The following APLF variants were observed in gnomAD, a reference collection of about 807,000 sequenced individuals.
APLF encodes the protein aprataxin and PNKP like factor, also known as aprataxin and PNK-like factor.
A neutral mutation model predicts 55.6 loss-of-function variants in APLF; 61 were observed. That is an observed-to-expected ratio of 1.10 (90% CI 0.89 to 1.36). The LOEUF is 1.36. APLF is among the 40% of genes most tolerant of loss of function. The probability of loss-of-function intolerance (pLI) is 0.00; values close to 1 mark genes in which losing one functional copy is unlikely to be tolerated. For synonymous variants in APLF, 207 were observed against 214.8 expected, an observed-to-expected ratio of 0.96 and a Z score of 0.32; for missense variants, 611 against 602.5, an observed-to-expected ratio of 1.01 and a Z score of -0.15.
chr2:68,537,368 CT>C lies in APLF; in HGVS notation c.805-492del, dbSNP rs1262044779. The stretch of plus-strand genomic sequence containing the variant: ...TACAACTGTAAATTTCTTTTCTTTC[CT>C]TTTTTTTTTTTCTTTGAGATGGAGT... On this transcript the variant is annotated intron_variant, in intron 6 of 9. Coordinates refer to ENST00000303795, the MANE Select transcript of APLF (RefSeq NM_173545.3). Among the ~76,000 whole-genome samples the C allele has an allele frequency of 8.6e-4, 124 of 144,108 alleles. No individual in the cohort carries two copies. The Middle Eastern group carries it at 0.011, about 13-fold the overall frequency. 94.5% of individuals were successfully genotyped at this position (144,108 alleles called of 152,430 possible). A position where few individuals can be genotyped will look rare whatever the true frequency, so the allele number is the denominator to read the frequency against.
intron 7 of APLF, among the ~76,000 whole-genome samples, chr2:68,539,584 G>T (rs577821794): frequency 1.3e-5 from 2 of 152,224 alleles, no homozygotes; most frequent in East Asian, 1.9e-4. Context: ...GGAAATTAGG[G>T]CTTCAACATA....
At chr2:68,569,965 C>T (rs1007852576) in intron 9 of APLF, among the ~76,000 whole-genome samples, 1 of 152,068 alleles carries the variant, frequency 6.6e-6, no homozygotes, top group African/African-American at 2.4e-5. Flanking sequence ...ATCATAAGAA[C>T]ATATATAACA....
intron 8 of APLF, among the ~76,000 whole-genome samples, chr2:68,564,316 G>A (rs935430401): frequency 3.9e-5 from 6 of 152,022 alleles, no homozygotes; most frequent in African/African-American, 1.2e-4. Context: ...GGTTAGTTAT[G>A]CTAAACACAC....
chr2:68,572,261 T>A (rs1051088499), intron 9 of APLF, among the ~76,000 whole-genome samples: 8 of 152,222 alleles, frequency 5.3e-5, no homozygotes, highest in Admixed American at 1.3e-4. Context: ...AAATAAAATA[T>A]GAATACCAAC....
intron 7 of APLF, among the ~76,000 whole-genome samples, chr2:68,543,636 G>A (rs113527596): frequency 0.014 from 2,099 of 152,208 alleles, 41 homozygotes; most frequent in African/African-American, 0.046. Context: ...AGGCTTATAC[G>A]AGAATGCTCA....
At chr2:68,500,376 C>G (rs1337042106) in intron 2 of APLF, among the ~76,000 whole-genome samples, 1 of 151,894 alleles carries the variant, frequency 6.6e-6, no homozygotes, top group Admixed American at 6.6e-5. Flanking sequence ...AATATTTAAC[C>G]AAGTATAATT....
intron 5 of APLF, among the ~76,000 whole-genome samples, chr2:68,522,441 T>G (rs1454257416): frequency 1.3e-5 from 2 of 151,946 alleles, no homozygotes; most frequent in Admixed American, 6.6e-5. Context: ...TTGCTAATAT[T>G]TGGTTTAGGA....
chr2:68,561,798 T>C (rs1342911684), intron 8 of APLF, among the ~76,000 whole-genome samples: 1 of 152,074 alleles, frequency 6.6e-6, no homozygotes, highest in African/African-American at 2.4e-5. Context: ...ACAGAAAAAC[T>C]GTTTTTCAAA....
At chr2:68,564,412 T>A (rs79700401) in intron 8 of APLF, among the ~76,000 whole-genome samples, 2,770 of 152,220 alleles carry the variant, frequency 0.018, 36 homozygotes, top group Non-Finnish European at 0.03. Flanking sequence ...TTGCACTGTG[T>A]TTAATACTTG....
intron 2 of APLF, among the ~76,000 whole-genome samples, chr2:68,493,971 G>A (rs1027927098): frequency 1.3e-5 from 2 of 152,246 alleles, no homozygotes; most frequent in African/African-American, 2.4e-5. Flanking sequence ...ATCCAGGCGT[G>A]GTGGCGGGTG....
At chr2:68,573,045 C>T (rs1447797985) in intron 9 of APLF, among the ~76,000 whole-genome samples, 1 of 151,974 alleles carries the variant, frequency 6.6e-6, no homozygotes, top group East Asian at 1.9e-4. Flanking sequence ...ATTACAAATT[C>T]CTCTGCATAT....
At chr2:68,515,742 CTT>C in intron 5 of APLF, 1 of 982,588 alleles carries the variant, frequency 1.0e-6, no homozygotes, top group Non-Finnish European at 1.2e-6. Context: ...TTCAGGTAAT[CTT>C]TTTATAAACT....
chr2:68,547,200 A>G (rs150672049), intron 8 of APLF, among the ~76,000 whole-genome samples: 122 of 151,960 alleles, frequency 8.0e-4, no homozygotes, highest in African/African-American at 2.9e-3. Context: ...GAAGAAAACT[A>G]TAAAACTTTA....
intron 5 of APLF, among the ~76,000 whole-genome samples, chr2:68,518,074 A>G (rs986201646): frequency 1.1e-4 from 15 of 134,614 alleles, no homozygotes; most frequent in Admixed American, 4.9e-4. Flanking sequence ...ATATATCATT[A>G]GTATATAATA....
intron 3 of APLF, among the ~76,000 whole-genome samples, chr2:68,509,410 T>C (rs1223141040): frequency 6.6e-6 from 1 of 152,092 alleles, no homozygotes; most frequent in Non-Finnish European, 1.5e-5. Context: ...GGGTGAAAGA[T>C]ATGAACAGAC....
chr2:68,544,819 A>G (rs1340442796), intron 7 of APLF, among the ~76,000 whole-genome samples: 1 of 152,188 alleles, frequency 6.6e-6, no homozygotes, highest in Non-Finnish European at 1.5e-5. Flanking sequence ...CAGAGGGTAC[A>G]ATATATGTGC....
At chr2:68,564,955 C>T (rs1164620369) in intron 8 of APLF, among the ~76,000 whole-genome samples, 2 of 152,080 alleles carry the variant, frequency 1.3e-5, no homozygotes, top group East Asian at 1.9e-4. Flanking sequence ...TGGCTGTTTA[C>T]ATTTAAATAT....
At chr2:68,500,662 T>C (rs1676692249) in intron 2 of APLF, among the ~76,000 whole-genome samples, 1 of 152,228 alleles carries the variant, frequency 6.6e-6, no homozygotes, top group African/African-American at 2.4e-5. Flanking sequence ...CAAGCGTCAC[T>C]TAAAGAATAT....
intron 4 of APLF, 100 bp downstream of exon 4, chr2:68,513,327 A>C: frequency 7.3e-7 from 1 of 1,378,068 alleles, no homozygotes; most frequent in Non-Finnish European, 9.8e-7. Flanking sequence ...CAATATTGCC[A>C]GCATTTATCT....
Sources: gnomAD v4.1 joint callset for allele counts (sites outside exome capture counted in the v4.1 genomes callset) on GRCh38, gnomAD v4.1.1 for gene constraint, MANE v1.5 for transcripts, NCBI Gene and HGNC (gene_info 2026-07-23, HGNC 2026-07-21) for gene names.